The following SUPT3H variants were observed in gnomAD, a reference collection of about 807,000 sequenced individuals.
SUPT3H encodes the protein transcription initiation protein SPT3 homolog.
A neutral mutation model predicts 44.3 loss-of-function variants in SUPT3H; 44 were observed. The observed-to-expected ratio is 0.99, with a 90% CI of 0.78 to 1.28. The LOEUF is 1.28. Among genes scored for constraint, SUPT3H ranks in the 50% most tolerant of loss-of-function variants. SUPT3H has a pLI of 0.00. For synonymous variants in SUPT3H, 124 were observed against 125.6 expected, an observed-to-expected ratio of 0.99 and a Z score of 0.09; for missense variants, 380 against 387.1, an observed-to-expected ratio of 0.98 and a Z score of 0.15.
intron 3 of SUPT3H, among the ~76,000 whole-genome samples, chr6:45,090,888 A>G (rs1797045636): frequency 6.6e-6 from 1 of 151,888 alleles, no homozygotes; most frequent in African/African-American, 2.4e-5. Context: ...CAAATCTTAC[A>G]TCGAGTCTAG....
At chr6:45,190,155 A>C (rs1484302521) in intron 2 of SUPT3H, among the ~76,000 whole-genome samples, 1 of 152,200 alleles carries the variant, frequency 6.6e-6, no homozygotes, top group Non-Finnish European at 1.5e-5. Flanking sequence ...TAAAGCTTTA[A>C]TATGCATTGC....
At chr6:45,098,562 T>G in intron 3 of SUPT3H, 1 of 305,818 alleles carries the variant, frequency 3.3e-6, no homozygotes, top group Non-Finnish European at 6.4e-6. Context: ...GGAACATCCA[T>G]GCAGACATGA....
At chr6:45,035,928 A>C (rs2153527047) in intron 3 of SUPT3H, among the ~76,000 whole-genome samples, 1 of 152,284 alleles carries the variant, frequency 6.6e-6, no homozygotes, top group Admixed American at 6.5e-5. Flanking sequence ...TGAAAAAACT[A>C]TTGAAGAATC....
intron 10 of SUPT3H, among the ~76,000 whole-genome samples, chr6:44,916,832 T>C (rs966804595): frequency 1.3e-5 from 2 of 152,162 alleles, no homozygotes; most frequent in Non-Finnish European, 2.9e-5. Flanking sequence ...CTGACACTTA[T>C]TAAAAGTTGC....
chr6:45,102,946 A>T (rs1798790438), intron 3 of SUPT3H, among the ~76,000 whole-genome samples: 1 of 151,498 alleles, frequency 6.6e-6, no homozygotes, highest in African/African-American at 2.4e-5. Flanking sequence ...CTCAAAAAAA[A>T]GAAAAAAAAA....
chr6:45,084,969 G>C (rs1796306597), intron 3 of SUPT3H, among the ~76,000 whole-genome samples: 1 of 151,984 alleles, frequency 6.6e-6, no homozygotes, highest in African/African-American at 2.4e-5. Flanking sequence ...GGAGGTAAGA[G>C]GGAGGGAGGG....
intron 2 of SUPT3H, among the ~76,000 whole-genome samples, chr6:45,296,612 G>A (rs887894995): frequency 4.0e-5 from 6 of 151,650 alleles, no homozygotes; most frequent in Non-Finnish European, 5.9e-5. Flanking sequence ...GGTGGCACAT[G>A]CCTGTAATCC....
chr6:45,029,595 C>A (rs879523935), intron 3 of SUPT3H, among the ~76,000 whole-genome samples: 3 of 151,962 alleles, frequency 2.0e-5, no homozygotes, highest in Admixed American at 2.0e-4. Context: ...TTTCTTTTAA[C>A]CTGTTTTGCA....
chr6:44,890,771 A>AAT (rs34613968), intron 10 of SUPT3H, among the ~76,000 whole-genome samples: 2 of 142,970 alleles, frequency 1.4e-5, no homozygotes, highest in African/African-American at 5.1e-5. Flanking sequence ...TAATAATAAT[A>AAT]AAAAAAAAAG....
intron 6 of SUPT3H, among the ~76,000 whole-genome samples, chr6:44,983,710 T>C (rs1040049715): frequency 1.3e-5 from 2 of 152,310 alleles, no homozygotes; most frequent in Non-Finnish European, 1.5e-5. Context: ...TATTTAAATA[T>C]TTGCTTAAGT....
At chr6:45,234,725 C>G (rs570589006) in intron 2 of SUPT3H, among the ~76,000 whole-genome samples, 1 of 152,032 alleles carries the variant, frequency 6.6e-6, no homozygotes, top group Non-Finnish European at 1.5e-5. Context: ...CACTTAAAAA[C>G]TTTGAAAATG....
At chr6:45,024,011 T>C (rs1785562863) in intron 3 of SUPT3H, among the ~76,000 whole-genome samples, 3 of 152,154 alleles carry the variant, frequency 2.0e-5, no homozygotes, top group Admixed American at 2.0e-4. Flanking sequence ...GTGAAAACAA[T>C]AGTAGAACTG....
At chr6:44,999,281 G>A (rs554378803) in intron 6 of SUPT3H, among the ~76,000 whole-genome samples, 11 of 152,016 alleles carry the variant, frequency 7.2e-5, no homozygotes, top group South Asian at 6.2e-4. Flanking sequence ...TCGGTTTTTC[G>A]TTTTTAACAG....
At chr6:45,040,802 T>C (rs1240986212) in intron 3 of SUPT3H, among the ~76,000 whole-genome samples, 1 of 152,184 alleles carries the variant, frequency 6.6e-6, no homozygotes, top group Non-Finnish European at 1.5e-5. Flanking sequence ...AAACCCACAA[T>C]ATGTCACAAG....
chr6:45,085,871 T>C (rs1276763343), intron 3 of SUPT3H, among the ~76,000 whole-genome samples: 1 of 152,066 alleles, frequency 6.6e-6, no homozygotes, highest in Non-Finnish European at 1.5e-5. Flanking sequence ...ACACGAATTA[T>C]AAAACAACGG....
chr6:44,984,254 G>T (rs192155317), intron 6 of SUPT3H, among the ~76,000 whole-genome samples: 1 of 152,144 alleles, frequency 6.6e-6, no homozygotes, highest in Non-Finnish European at 1.5e-5. Context: ...AATCCAGTGA[G>T]CTGGGCCTGC....
At chr6:45,193,491 G>A (rs957651438) in intron 2 of SUPT3H, among the ~76,000 whole-genome samples, 5 of 151,900 alleles carry the variant, frequency 3.3e-5, no homozygotes, top group African/African-American at 1.2e-4. Flanking sequence ...AAATCTCCAG[G>A]GCCAAGCAGA....
chr6:45,204,334 T>C (rs34455867), intron 2 of SUPT3H, among the ~76,000 whole-genome samples: 36,458 of 151,456 alleles, frequency 0.24, 5,120 homozygotes, highest in Non-Finnish European at 0.32. Flanking sequence ...GGTAAGAGTC[T>C]AAAATAATAA....
chr6:45,228,169 T>C (rs913317562), intron 2 of SUPT3H, among the ~76,000 whole-genome samples: 1 of 152,208 alleles, frequency 6.6e-6, no homozygotes, highest in Non-Finnish European at 1.5e-5. Context: ...CCTTTTACAA[T>C]GTTCAATTTT....
Sources: allele counts gnomAD v4.1 joint callset (sites outside exome capture counted in the v4.1 genomes callset), GRCh38; gene constraint gnomAD v4.1.1; transcripts MANE v1.5; gene names NCBI Gene and HGNC (gene_info 2026-07-23, HGNC 2026-07-21).